Variants in TTC28 observed in about 807,000 individuals in gnomAD.
TTC28 encodes the protein tetratricopeptide repeat protein 28.
In TTC28, 61 loss-of-function variants were observed where a neutral mutation model predicts 198.0. That is an observed-to-expected ratio of 0.31 (90% CI 0.25 to 0.38). TTC28 has a LOEUF of 0.38. Among genes scored for constraint, TTC28 ranks in the 10% least tolerant of loss-of-function variants. TTC28 has a pLI of 1.00. For synonymous variants in TTC28, 1,171 were observed against 1,297.8 expected (o/e 0.90, Z 2.10); for missense variants, 2,678 against 3,164.0 (o/e 0.85, Z 3.69).
intron 5 of TTC28, among the ~76,000 whole-genome samples, chr22:28,231,407 C>A (rs1928793207): frequency 6.6e-6 from 1 of 152,146 alleles, no homozygotes; most frequent in Admixed American, 6.5e-5. Context: ...AAACACAAGG[C>A]AGGGGATTGA....
chr22:28,522,637 C>T (rs1202709431), intron 2 of TTC28, among the ~76,000 whole-genome samples: 3 of 151,868 alleles, frequency 2.0e-5, no homozygotes, highest in Admixed American at 6.6e-5. Context: ...TAGTGATGAA[C>T]TAAAAAGCAG....
At chr22:28,589,469 TA>T (rs1438851203) in intron 2 of TTC28, among the ~76,000 whole-genome samples, 1 of 152,138 alleles carries the variant, frequency 6.6e-6, no homozygotes, top group Non-Finnish European at 1.5e-5. Context: ...ACAAGGAAAT[TA>T]ACTTTAAAAG....
At chr22:28,481,092 T>C (rs985067202) in intron 2 of TTC28, among the ~76,000 whole-genome samples, 2 of 152,216 alleles carry the variant, frequency 1.3e-5, no homozygotes, top group Non-Finnish European at 2.9e-5. Context: ...GTTATTCTAT[T>C]CTTTGTGATA....
chr22:28,246,132 A>G (rs891718670), intron 5 of TTC28, among the ~76,000 whole-genome samples: 2 of 152,152 alleles, frequency 1.3e-5, no homozygotes, highest in African/African-American at 2.4e-5. Context: ...CACATACTAC[A>G]CATTTATATA....
At position 27,989,820 on chromosome 22, in the gene TTC28, A is replaced by G. The variant is rs537504780; in HGVS notation, c.5707+58T>C. On this transcript the variant is annotated intron_variant, in intron 21 of 22. Coordinates refer to ENST00000397906, the MANE Select transcript of TTC28 (RefSeq NM_001145418.2). ...TGCCCAACAGAAACCAGGAGGAAAA[A>G]CAGAGATTTAAAAGATGGAATTCAA... 19 of 1,519,916 alleles carry G rather than the reference A, an allele frequency of 1.3e-5. No homozygotes were observed. In the African/African-American group the frequency reaches 1.4e-4, roughly 11 times the overall value. 94.2% of individuals were successfully genotyped at this position (1,519,916 alleles called of 1,614,324 possible).
At chr22:28,378,286 C>G (rs984971508) in intron 2 of TTC28, among the ~76,000 whole-genome samples, 1 of 142,412 alleles carries the variant, frequency 7.0e-6, no homozygotes, top group Non-Finnish European at 1.5e-5. Context: ...GCGGAGGTTG[C>G]AGTGAGCCAA....
At chr22:28,256,827 C>A (rs2147287946) in intron 5 of TTC28, among the ~76,000 whole-genome samples, 1 of 152,296 alleles carries the variant, frequency 6.6e-6, no homozygotes. Flanking sequence ...TTGCTTGAGG[C>A]CAGAAGTTCA....
intron 5 of TTC28, among the ~76,000 whole-genome samples, chr22:28,251,621 A>C (rs1283032628): frequency 1.3e-5 from 2 of 152,210 alleles, no homozygotes; most frequent in African/African-American, 4.8e-5. Flanking sequence ...AGGGTGGCAT[A>C]TGATTAGTAA....
At chr22:28,174,361 G>A (rs995156152) in intron 5 of TTC28, among the ~76,000 whole-genome samples, 8 of 152,032 alleles carry the variant, frequency 5.3e-5, no homozygotes, top group Non-Finnish European at 1.2e-4. Context: ...AAGATAATAC[G>A]CACTTAGCTT....
intron 2 of TTC28, among the ~76,000 whole-genome samples, chr22:28,482,985 G>C (rs2048272939): frequency 6.6e-6 from 1 of 151,968 alleles, no homozygotes; most frequent in African/African-American, 2.4e-5. Context: ...TGGATATTTG[G>C]GCTGTTTCTA....
At chr22:28,679,022 A>G (rs1421133511) in intron 1 of TTC28, among the ~76,000 whole-genome samples, 2 of 152,230 alleles carry the variant, frequency 1.3e-5, no homozygotes, top group African/African-American at 2.4e-5. Flanking sequence ...CATCCCGTCC[A>G]GCGGGAGCCC....
Position 28,105,381 on chromosome 22 carries a change from G to C in TTC28, c.3205C>G (p.Gln1069Glu). Residue 1069 changes from glutamine to glutamate, a missense_variant, in exon 8 of 23, where the codon CAG becomes GAG. Gln to Glu is a conservative substitution (Grantham distance 29, BLOSUM62 2). This residue lies in a region of TTC28 where 727 missense variants were observed against 861.9 expected (regional missense o/e 0.84). Coordinates refer to ENST00000397906, the MANE Select transcript of TTC28 (RefSeq NM_001145418.2). ...GTCTTGGCCGCCAAGTCATTCATCT[G>C]TGCAGCAATGCTCAAGTGCTGTTCT... The part of the protein sequence containing the change: ...YQEQHLSIAA[Q>E]MNDLAAKTVS... 2 of 1,551,730 alleles carry C rather than the reference G, an allele frequency of 1.3e-6. No homozygotes were observed. Among genetic ancestry groups the C allele is most frequent in the African/African-American group, 1.4e-5 (1 of 73,150 alleles).
intron 5 of TTC28, among the ~76,000 whole-genome samples, chr22:28,265,169 T>C (rs1931600477): frequency 6.6e-6 from 1 of 152,196 alleles, no homozygotes; most frequent in Non-Finnish European, 1.5e-5. Context: ...TGTAAAATTA[T>C]TACAAAAATT....
intron 2 of TTC28, among the ~76,000 whole-genome samples, chr22:28,514,654 A>C (rs1601494617): frequency 6.6e-6 from 1 of 152,214 alleles, no homozygotes; most frequent in Non-Finnish European, 1.5e-5. Flanking sequence ...TTTCATAAAA[A>C]TGATTTTTCC....
intron 2 of TTC28, among the ~76,000 whole-genome samples, chr22:28,439,921 C>T (rs1419346768): frequency 6.6e-6 from 1 of 152,046 alleles, no homozygotes; most frequent in African/African-American, 2.4e-5. Context: ...CCGCAACCTC[C>T]ACCTCCCAGA....
chr22:28,595,824 T>C (rs1816195982), intron 2 of TTC28, among the ~76,000 whole-genome samples: 2 of 152,170 alleles, frequency 1.3e-5, no homozygotes, highest in Non-Finnish European at 2.9e-5. Context: ...CTCGGGAGGC[T>C]GAGGCAGGAG....
chr22:28,328,202 C>T (rs539274757), intron 2 of TTC28, among the ~76,000 whole-genome samples: 1 of 152,138 alleles, frequency 6.6e-6, no homozygotes, highest in African/African-American at 2.4e-5. Flanking sequence ...GAAGCCAAGG[C>T]GGGAGAATGG....
At chr22:28,639,003 C>T (rs2051318666) in intron 1 of TTC28, among the ~76,000 whole-genome samples, 1 of 152,112 alleles carries the variant, frequency 6.6e-6, no homozygotes, top group Non-Finnish European at 1.5e-5. Flanking sequence ...GGAACATCTA[C>T]AAAAATGTAA....
intron 5 of TTC28, among the ~76,000 whole-genome samples, chr22:28,255,328 T>G (rs1323575974): frequency 6.6e-6 from 1 of 152,152 alleles, no homozygotes; most frequent in African/African-American, 2.4e-5. Context: ...CACCTAAGAT[T>G]ACACCTCTTG....
Sources: gnomAD v4.1 joint callset for allele counts (sites outside exome capture counted in the v4.1 genomes callset) on GRCh38, gnomAD v4.1.1 for gene constraint, gnomAD v4.1.1 regional missense constraint, MANE v1.5 for transcripts, NCBI Gene and HGNC (gene_info 2026-07-23, HGNC 2026-07-21) for gene names.